Variants in PCDH11X observed in about 807,000 individuals in gnomAD.
The protein encoded by PCDH11X is protocadherin-11 X-linked.
In PCDH11X, 18 loss-of-function variants were observed where a neutral mutation model predicts 53.3. The observed-to-expected ratio is 0.34, with a 90% CI of 0.23 to 0.50. PCDH11X has a LOEUF of 0.50. Ranked by LOEUF, PCDH11X falls within the 20% of genes least tolerant of loss-of-function variation. The pLI is 0.98. For synonymous variants in PCDH11X, 279 were observed against 393.3 expected (o/e 0.71, Z 3.44); for missense variants, 570 against 1,032.4 (o/e 0.55, Z 6.14).
intron 7 of PCDH11X, among the ~76,000 whole-genome samples, chrX:92,223,978 C>T (rs1275620110): frequency 9.0e-6 from 1 of 111,542 alleles, no homozygotes; most frequent in Non-Finnish European, 1.9e-5. Flanking sequence ...TTAATGCACA[C>T]ATTATATGTA....
chrX:92,254,038 T>C (rs2067513044), intron 7 of PCDH11X, among the ~76,000 whole-genome samples: 1 of 112,118 alleles, frequency 8.9e-6, no homozygotes, highest in African/African-American at 3.2e-5. Flanking sequence ...AGGCTTTCAG[T>C]TTTTTTCTCA....
intron 10 of PCDH11X, among the ~76,000 whole-genome samples, chrX:92,518,707 T>TAG (rs911058643): frequency 9.2e-6 from 1 of 109,077 alleles, no homozygotes; most frequent in African/African-American, 3.3e-5. Flanking sequence ...TAGATACAAA[T>TAG]TAAATCTTGC....
At chrX:92,043,703 A>T (rs6618828) in intron 6 of PCDH11X, among the ~76,000 whole-genome samples, 17,768 of 103,438 alleles carry the variant, frequency 0.17, 1,693 homozygotes, top group East Asian at 0.38. Flanking sequence ...TTGTCAATTT[A>T]TCAGTCAAAA....
intron 6 of PCDH11X, among the ~76,000 whole-genome samples, chrX:92,143,539 A>G (rs111516646): frequency 0.1 from 11,529 of 112,171 alleles, 1,306 homozygotes; most frequent in African/African-American, 0.33. Context: ...CAGCTTCCAC[A>G]TGGTGTTGAG....
intron 10 of PCDH11X, among the ~76,000 whole-genome samples, chrX:92,536,308 G>T (rs1417882127): frequency 9.0e-6 from 1 of 111,091 alleles, no homozygotes; most frequent in African/African-American, 3.3e-5. Flanking sequence ...ATTTTATTGT[G>T]ATTCTTAGCT....
intron 10 of PCDH11X, among the ~76,000 whole-genome samples, chrX:92,542,511 T>C: frequency 9.0e-6 from 1 of 110,642 alleles, no homozygotes; most frequent in Non-Finnish European, 1.9e-5. Flanking sequence ...AAAACCACAT[T>C]TTTATATTTT....
chrX:91,780,238 C>T (rs2147501885), intron 1 of PCDH11X, among the ~76,000 whole-genome samples: 1 of 111,451 alleles, frequency 9.0e-6, no homozygotes, highest in Admixed American at 9.4e-5. Flanking sequence ...CGACCCTTGG[C>T]GCAGAGAGGA....
intron 7 of PCDH11X, among the ~76,000 whole-genome samples, chrX:92,231,541 G>A (rs2067075245): frequency 8.9e-6 from 1 of 111,889 alleles, no homozygotes; most frequent in African/African-American, 3.2e-5. Context: ...ATATAAGCAT[G>A]CTAGCAAAGG....
rs750224824 is a variant in PCDH11X, at chrX:92,470,254, C to T, written c.3367+1932C>T. On this transcript the variant is annotated intron_variant, in intron 10 of 10. Transcript: ENST00000682573. ...AATCAATATTCATCAGTGATATTGGCCTGTTTTCTTTTTCTGATATGTTGT... is the reference window on the plus strand; with the variant it reads ...AATCAATATTCATCAGTGATATTGGTCTGTTTTCTTTTTCTGATATGTTGT... Among the ~76,000 whole-genome samples, 178 of 98,295 alleles carry T rather than the reference C, an allele frequency of 1.8e-3. 1 individual carries two copies. Among genetic ancestry groups the T allele is most frequent in the Admixed American group, 4.1e-3 (36 of 8,690 alleles). The allele number at this position is 98,295 out of a possible 115,157, so 85.4% of individuals were successfully genotyped here.
At chrX:91,884,576 T>C (rs922387965) in intron 6 of PCDH11X, among the ~76,000 whole-genome samples, 2 of 111,573 alleles carry the variant, frequency 1.8e-5, no homozygotes, top group Non-Finnish European at 3.8e-5. Flanking sequence ...AATTCACTTT[T>C]CACAGTAAGT....
intron 6 of PCDH11X, among the ~76,000 whole-genome samples, chrX:91,967,064 G>A (rs1398837456): frequency 2.0e-5 from 2 of 98,057 alleles, no homozygotes; most frequent in Non-Finnish European, 4.0e-5. Context: ...CCCCACTTAT[G>A]AGTAAGAACA....
chrX:92,030,805 G>A (rs1350223237), intron 6 of PCDH11X, among the ~76,000 whole-genome samples: 1 of 107,705 alleles, frequency 9.3e-6, no homozygotes, highest in Non-Finnish European at 1.9e-5. Context: ...CATCCATGCT[G>A]TTGCAAATGA....
chrX:92,515,774 AT>A (rs1482213955), intron 10 of PCDH11X, among the ~76,000 whole-genome samples: 1 of 110,493 alleles, frequency 9.1e-6, no homozygotes, highest in African/African-American at 3.3e-5. Context: ...AGCAATGACA[AT>A]TTTTTTCTGT....
intron 6 of PCDH11X, among the ~76,000 whole-genome samples, chrX:91,968,719 A>G (rs977976337): frequency 9.0e-6 from 1 of 111,592 alleles, no homozygotes; most frequent in Non-Finnish European, 1.9e-5. Context: ...CTCCAGAAGA[A>G]CTTATCAATT....
chrX:92,019,302 T>A (rs2062846880), intron 6 of PCDH11X, among the ~76,000 whole-genome samples: 1 of 109,163 alleles, frequency 9.2e-6, no homozygotes, highest in African/African-American at 3.4e-5. Flanking sequence ...ATTACACACA[T>A]CATTGAGGCA....
At chrX:92,098,902 C>T (rs562489872) in intron 6 of PCDH11X, among the ~76,000 whole-genome samples, 4 of 110,992 alleles carry the variant, frequency 3.6e-5, no homozygotes, top group Admixed American at 1.9e-4. Context: ...CCATCTCAGC[C>T]TCCCAAAGTG....
intron 9 of PCDH11X, among the ~76,000 whole-genome samples, chrX:92,411,479 C>T (rs958387200): frequency 4.6e-5 from 5 of 108,685 alleles, no homozygotes; most frequent in African/African-American, 1.7e-4. Flanking sequence ...CTCCCTGTGT[C>T]CATGTGTTCT....
chrX:91,989,345 G>A (rs751530518), intron 6 of PCDH11X, among the ~76,000 whole-genome samples: 2 of 111,196 alleles, frequency 1.8e-5, no homozygotes, highest in East Asian at 5.7e-4. Context: ...GGCAGATCAC[G>A]AGGTCAGGAG....
intron 6 of PCDH11X, among the ~76,000 whole-genome samples, chrX:91,952,397 G>A (rs763930285): frequency 3.1e-4 from 35 of 111,553 alleles, no homozygotes; most frequent in African/African-American, 1.1e-3. Context: ...GTGTTTTTCT[G>A]TCTGTCCCTT....
Sources: allele counts gnomAD v4.1 joint callset (sites outside exome capture counted in the v4.1 genomes callset), GRCh38; gene constraint gnomAD v4.1.1; transcripts MANE v1.5; gene names NCBI Gene and HGNC (gene_info 2026-07-23, HGNC 2026-07-21).